Variants in SLX4IP observed in about 807,000 individuals in gnomAD.
SLX4IP encodes the protein SLX4 interacting protein, also known as protein SLX4IP.
SLX4IP carries 34 observed loss-of-function variants against 32.9 expected under a neutral mutation model. The ratio of observed to expected loss-of-function variants is 1.03; its 90% confidence interval spans 0.79 to 1.38. The LOEUF (loss-of-function observed/expected upper bound fraction) is 1.38. Among genes scored for constraint, SLX4IP ranks in the 40% most tolerant of loss-of-function variants. SLX4IP has a pLI of 0.00. For missense variants in SLX4IP, 444 were observed against 479.0 expected (o/e 0.93, Z 0.68); for synonymous variants, 172 against 171.7 (o/e 1.00, Z -0.01).
chr20:10,484,426 A>C (rs1392689771), intron 2 of SLX4IP, among the ~76,000 whole-genome samples: 1 of 152,054 alleles, frequency 6.6e-6, no homozygotes, highest in African/African-American at 2.4e-5. Flanking sequence ...TCTTGAGGGG[A>C]GCTCATTGCT....
intron 2 of SLX4IP, among the ~76,000 whole-genome samples, chr20:10,477,375 A>G (rs1485964422): frequency 6.6e-6 from 1 of 151,908 alleles, no homozygotes; most frequent in African/African-American, 2.4e-5. Context: ...CAAACTCTTG[A>G]CCTCATGATC....
chr20:10,551,921 T>C (rs754912404), intron 2 of SLX4IP, among the ~76,000 whole-genome samples: 1 of 152,210 alleles, frequency 6.6e-6, no homozygotes, highest in East Asian at 1.9e-4. Context: ...CAGATATGCA[T>C]TGAGGGTTCA....
chr20:10,449,363 C>G (rs2065224682), intron 1 of SLX4IP, among the ~76,000 whole-genome samples: 1 of 152,176 alleles, frequency 6.6e-6, no homozygotes, highest in African/African-American at 2.4e-5. Flanking sequence ...CAGGAGAGGA[C>G]CACTACACAT....
chr20:10,440,703 C>A (rs1277783051), intron 1 of SLX4IP, among the ~76,000 whole-genome samples: 3 of 152,128 alleles, frequency 2.0e-5, no homozygotes, highest in Non-Finnish European at 4.4e-5. Context: ...TCCATCATAA[C>A]AGTTTTTGCT....
At chr20:10,511,073 C>T (rs542295177) in intron 2 of SLX4IP, among the ~76,000 whole-genome samples, 46 of 152,320 alleles carry the variant, frequency 3.0e-4, no homozygotes, top group Admixed American at 5.9e-4. Flanking sequence ...GTGTTCTTGT[C>T]CCTCCATTTA....
At chr20:10,580,428 G>A (rs2066570997) in intron 4 of SLX4IP, among the ~76,000 whole-genome samples, 2 of 149,718 alleles carry the variant, frequency 1.3e-5, no homozygotes, top group South Asian at 4.3e-4. Flanking sequence ...CTGCTTGAAT[G>A]TTTCCCATCC....
intron 2 of SLX4IP, among the ~76,000 whole-genome samples, chr20:10,475,709 T>A (rs185842142): frequency 1.6e-4 from 25 of 152,286 alleles, no homozygotes; most frequent in Non-Finnish European, 3.2e-4. Context: ...TCTGCCCCAA[T>A]AGCAAACTTC....
chr20:10,476,132 A>G (rs2065473906), intron 2 of SLX4IP, among the ~76,000 whole-genome samples: 1 of 121,388 alleles, frequency 8.2e-6, no homozygotes, highest in Admixed American at 9.1e-5. Flanking sequence ...AAGGTTTTTC[A>G]CATCCCTCAC....
chr20:10,510,178 A>T (rs1255791251), intron 2 of SLX4IP, among the ~76,000 whole-genome samples: 1 of 152,258 alleles, frequency 6.6e-6, no homozygotes, highest in Non-Finnish European at 1.5e-5. Flanking sequence ...TTTTTAAAAG[A>T]AGAAAATGGT....
At chr20:10,600,535 A>G (rs578118455) in intron 5 of SLX4IP, among the ~76,000 whole-genome samples, 1 of 152,338 alleles carries the variant, frequency 6.6e-6, no homozygotes, top group South Asian at 2.1e-4. Flanking sequence ...TACTGGAACA[A>G]CAACTCATTG....
At chr20:10,604,349 G>T (rs1243520735) in intron 6 of SLX4IP, among the ~76,000 whole-genome samples, 1 of 152,156 alleles carries the variant, frequency 6.6e-6, no homozygotes, top group African/African-American at 2.4e-5. Context: ...AACAGCCTGG[G>T]TGCCTTACTC....
intron 2 of SLX4IP, among the ~76,000 whole-genome samples, chr20:10,491,233 A>G (rs1197680175): frequency 6.6e-6 from 1 of 152,228 alleles, no homozygotes; most frequent in Non-Finnish European, 1.5e-5. Context: ...TAAACATTTC[A>G]TCACATTTTG....
intron 1 of SLX4IP, among the ~76,000 whole-genome samples, chr20:10,443,715 C>G (rs74738423): frequency 0.011 from 1,666 of 152,252 alleles, 30 homozygotes; most frequent in African/African-American, 0.036. Flanking sequence ...GAGCAAATCT[C>G]ATGTTGAATT....
intron 4 of SLX4IP, among the ~76,000 whole-genome samples, chr20:10,581,034 T>C (rs943213801): frequency 6.6e-6 from 1 of 151,878 alleles, no homozygotes; most frequent in African/African-American, 2.4e-5. Flanking sequence ...TCTTTTTTTT[T>C]CTTCTGAGCC....
chr20:10,485,993 T>C (rs1418461277), intron 2 of SLX4IP, among the ~76,000 whole-genome samples: 3 of 151,782 alleles, frequency 2.0e-5, no homozygotes, highest in East Asian at 3.9e-4. Flanking sequence ...GTGGAGGAGG[T>C]AGGATAGGCA....
chr20:10,544,187 C>T (rs2066138842), intron 2 of SLX4IP, among the ~76,000 whole-genome samples: 3 of 152,002 alleles, frequency 2.0e-5, no homozygotes, highest in Non-Finnish European at 2.9e-5. Context: ...AGTTTACAGC[C>T]CCCTTTCTTT....
chr20:10,468,689 T>C (rs6039961), intron 2 of SLX4IP, among the ~76,000 whole-genome samples: 74,850 of 152,092 alleles, frequency 0.49, 19,929 homozygotes, highest in Non-Finnish European at 0.6. Context: ...GTGAATGACT[T>C]GCTTTTTCTT....
chr20:10,619,670 T>C (rs541367587), intron 6 of SLX4IP, among the ~76,000 whole-genome samples: 52 of 152,326 alleles, frequency 3.4e-4, no homozygotes, highest in African/African-American at 1.2e-3. Context: ...ATGCTCCTTA[T>C]GTTAATTGTT....
At position 10,547,826 on chromosome 20, in the gene SLX4IP, A is replaced by G. The variant is rs970648251; in HGVS notation, c.28-8405A>G. 3.9e-5 allele frequency among the ~76,000 whole-genome samples: 6 copies of G among 152,194 alleles called. No homozygotes were observed. In the East Asian group the frequency reaches 9.7e-4, roughly 24 times the overall value. The stretch of plus-strand genomic sequence containing the variant: ...CACTTAACAAACACTCTTCACGACC[A>G]TCTGTGTGCCAGACCCAGTACTAGA... On this transcript the variant is annotated intron_variant, in intron 2 of 7. Transcript: ENST00000334534.
Sources: allele counts gnomAD v4.1 joint callset (sites outside exome capture counted in the v4.1 genomes callset), GRCh38; gene constraint gnomAD v4.1.1; transcripts MANE v1.5; gene names NCBI Gene and HGNC (gene_info 2026-07-23, HGNC 2026-07-21).